The following SOX5 variants were observed in gnomAD, a reference collection of about 807,000 sequenced individuals.
SOX5 encodes the protein transcription factor SOX-5.
Under a neutral mutation model 92.0 loss-of-function variants are expected in SOX5, and 9 were observed. The ratio of observed to expected loss-of-function variants is 0.10; its 90% CI spans 0.06 to 0.17. The LOEUF is 0.17. Among genes scored for constraint, SOX5 ranks in the 10% least tolerant of loss-of-function variants. SOX5 has a pLI of 1.00. For synonymous variants in SOX5, 344 were observed against 336.3 expected, an observed-to-expected ratio of 1.02 and a Z score of -0.25; for missense variants, 642 against 944.5, an observed-to-expected ratio of 0.68 and a Z score of 4.20.
At chr12:23,808,768 C>G (rs1020723278) in intron 3 of SOX5, among the ~76,000 whole-genome samples, 1 of 152,078 alleles carries the variant, frequency 6.6e-6, no homozygotes, top group Non-Finnish European at 1.5e-5. Context: ...TCCCCTGACA[C>G]TTAGAATGTC....
intron 1 of SOX5, among the ~76,000 whole-genome samples, chr12:24,486,206 G>T (rs1033767448): frequency 1.7e-4 from 26 of 152,096 alleles, no homozygotes; most frequent in Admixed American, 1.3e-3. Flanking sequence ...CAAAGTGCTG[G>T]GATTATAGAC....
At chr12:23,857,454 A>C (rs1235200627) in intron 2 of SOX5, among the ~76,000 whole-genome samples, 1 of 152,196 alleles carries the variant, frequency 6.6e-6, no homozygotes, top group Non-Finnish European at 1.5e-5. Context: ...AGAACCATCA[A>C]ATCTATCTGT....
intron 2 of SOX5, among the ~76,000 whole-genome samples, chr12:24,326,561 G>T (rs1031238785): frequency 1.3e-5 from 2 of 152,000 alleles, no homozygotes; most frequent in Non-Finnish European, 2.9e-5. Context: ...GTTATGAAGC[G>T]GTGCTGTGCT....
chr12:24,344,953 C>T (rs1401275002), intron 2 of SOX5, among the ~76,000 whole-genome samples: 1 of 152,140 alleles, frequency 6.6e-6, no homozygotes, highest in African/African-American at 2.4e-5. Context: ...AAAATGTGTA[C>T]ACATGAAAGT....
intron 2 of SOX5, among the ~76,000 whole-genome samples, chr12:24,301,594 C>G (rs518576): frequency 0.098 from 14,928 of 152,128 alleles, 988 homozygotes; most frequent in Non-Finnish European, 0.13. Context: ...CAGTATAAAG[C>G]AAAGGGAGAT....
At chr12:23,768,840 A>G (rs976689044) in intron 3 of SOX5, among the ~76,000 whole-genome samples, 1 of 152,176 alleles carries the variant, frequency 6.6e-6, no homozygotes, top group African/African-American at 2.4e-5. Flanking sequence ...TCTACCTAAA[A>G]CATACATTTA....
intron 3 of SOX5, among the ~76,000 whole-genome samples, chr12:23,838,843 T>TGGGGC (rs1555374993): frequency 2.6e-5 from 1 of 38,150 alleles, no homozygotes; most frequent in Non-Finnish European, 5.1e-5. Flanking sequence ...TCTTTTTTTT[T>TGGGGC]GGGGGGGGGG....
At chr12:24,289,777 T>C (rs1039279227) in intron 2 of SOX5, among the ~76,000 whole-genome samples, 4 of 152,000 alleles carry the variant, frequency 2.6e-5, no homozygotes, top group African/African-American at 4.8e-5. Context: ...CTTGAAAGCC[T>C]TAGAAGATAG....
intron 4 of SOX5, among the ~76,000 whole-genome samples, chr12:24,162,576 T>C (rs1215807873): frequency 1.3e-5 from 2 of 152,164 alleles, no homozygotes; most frequent in Non-Finnish European, 1.5e-5. Flanking sequence ...CACCATATTC[T>C]GTATTTCTAA....
intron 2 of SOX5, among the ~76,000 whole-genome samples, chr12:24,361,549 T>C (rs1413912996): frequency 2.0e-5 from 3 of 151,312 alleles, no homozygotes; most frequent in Non-Finnish European, 1.5e-5. Context: ...AAATGACAGG[T>C]ACTCTAAGTA....
intron 2 of SOX5, among the ~76,000 whole-genome samples, chr12:24,300,190 C>A (rs1478941979): frequency 6.6e-6 from 1 of 152,126 alleles, no homozygotes; most frequent in Non-Finnish European, 1.5e-5. Context: ...GAAATTCTGC[C>A]AGTGGTAACT....
chr12:24,534,633 C>G (rs1206422397), intron 1 of SOX5, among the ~76,000 whole-genome samples: 1 of 152,122 alleles, frequency 6.6e-6, no homozygotes, highest in African/African-American at 2.4e-5. Context: ...TGAGTGTACC[C>G]CAAGATGAAC....
chr12:23,534,635 A>G, intron 14 of SOX5, 113 bp from the exon 15 acceptor site: 1 of 752,814 alleles, frequency 1.3e-6, no homozygotes, highest in Non-Finnish European at 2.1e-6. Flanking sequence ...TACTAATTTT[A>G]TCTAATTGCC....
rs1328524041 is a variant in SOX5, at chr12:23,589,278, C to A, written c.1165-13440G>T. 2.0e-5 allele frequency among the ~76,000 whole-genome samples: 3 copies of A among 151,852 alleles called. No homozygotes were observed. In the East Asian group the frequency reaches 5.8e-4, roughly 29 times the overall value. On this transcript the variant is annotated intron_variant, in intron 9 of 14. Transcript: ENST00000451604. ...CATCCTAAAACTTTATTTGAACTAT[C>A]AATTAAACAATATAACAAAACTGGA...
intron 2 of SOX5, among the ~76,000 whole-genome samples, chr12:23,864,413 T>A (rs775272526): frequency 6.6e-6 from 1 of 152,122 alleles, no homozygotes; most frequent in Non-Finnish European, 1.5e-5. Context: ...TTATTATACT[T>A]AGTGAGAAAG....
intron 8 of SOX5, among the ~76,000 whole-genome samples, chr12:23,627,513 C>A (rs992175407): frequency 1.3e-5 from 2 of 152,080 alleles, no homozygotes; most frequent in African/African-American, 4.8e-5. Context: ...GTTTTATACC[C>A]TTGAATCTAG....
chr12:23,618,607 G>A (rs1383542812), intron 8 of SOX5, among the ~76,000 whole-genome samples: 5 of 152,096 alleles, frequency 3.3e-5, no homozygotes, highest in Non-Finnish European at 2.9e-5. Flanking sequence ...CCATGACTAC[G>A]ATATGTTAAT....
intron 2 of SOX5, among the ~76,000 whole-genome samples, chr12:23,889,593 T>C (rs560234903): frequency 1.4e-4 from 21 of 152,178 alleles, no homozygotes; most frequent in Non-Finnish European, 2.6e-4. Context: ...ATCATGTGCA[T>C]TGAATGAATT....
At chr12:24,305,666 C>T (rs963144557) in intron 2 of SOX5, among the ~76,000 whole-genome samples, 4 of 152,270 alleles carry the variant, frequency 2.6e-5, no homozygotes, top group African/African-American at 7.2e-5. Flanking sequence ...GGCGCGATCG[C>T]GGCTCACTGT....
Sources: allele counts gnomAD v4.1 joint callset (sites outside exome capture counted in the v4.1 genomes callset), GRCh38; gene constraint gnomAD v4.1.1; transcripts MANE v1.5; gene names NCBI Gene and HGNC (gene_info 2026-07-23, HGNC 2026-07-21).